The following NCOR1 variants were observed in gnomAD, a reference collection of about 807,000 sequenced individuals.
NCOR1 encodes nuclear receptor corepressor 1.
Under a neutral mutation model 288.1 loss-of-function variants are expected in NCOR1, and 63 were observed. That is an observed-to-expected ratio of 0.22 (90% confidence interval 0.18 to 0.27). The LOEUF (loss-of-function observed/expected upper bound fraction) is 0.27, where lower values mean the gene tolerates loss of function less well. NCOR1 is among the 10% of genes least tolerant of loss of function. NCOR1 has a pLI of 1.00. For synonymous variants in NCOR1, 1,007 were observed against 1,065.9 expected (o/e 0.94, Z 1.08); for missense variants, 2,397 against 3,019.2 (o/e 0.79, Z 4.83).
At chr17:16,186,060 C>A (rs1315513051) in intron 3 of NCOR1, among the ~76,000 whole-genome samples, 1 of 152,178 alleles carries the variant, frequency 6.6e-6, no homozygotes, top group Non-Finnish European at 1.5e-5. Flanking sequence ...CCTACATTAT[C>A]TGACAGAATA....
chr17:16,085,735 G>A lies in NCOR1; in HGVS notation c.3177+547C>T, dbSNP rs928747511. 2.6e-5 allele frequency among the ~76,000 whole-genome samples: 4 copies of A among 152,320 alleles called. 1 individual carries two copies. The highest frequency in any genetic ancestry group is 4.4e-5 in the Non-Finnish European group (3 of 68,028). On this transcript the variant is annotated intron_variant, in intron 23 of 45. Coordinates refer to ENST00000268712, the MANE Select transcript of NCOR1 (RefSeq NM_006311.4). ...GGGGAGATGGCCTGGGAAGGAACATGAGAAAACTTTCTGAAGTGATGGAAG... is the reference window on the plus strand; with the variant it reads ...GGGGAGATGGCCTGGGAAGGAACATAAGAAAACTTTCTGAAGTGATGGAAG...
intron 29 of NCOR1, among the ~76,000 whole-genome samples, 193 bp downstream of exon 29, chr17:16,071,952 T>C (rs1163148169): frequency 6.6e-6 from 1 of 152,216 alleles, no homozygotes; most frequent in African/African-American, 2.4e-5. Context: ...AAGATATCTC[T>C]ATATTAAAAG....
rs988782423 is a variant in NCOR1, at chr17:16,146,438, T to C, written c.1020A>G (p.Glu340=). The change falls in exon 10 of 46, where the codon GAA becomes GAG. Residue 340 remains glutamate (E), a synonymous_variant. Transcript: ENST00000268712. ...RRKAKESKTR[E]YYEKQFPEIR... ...TTTCTGGAAACTGCTTTTCATAGTA[T>C]TCCCTTGTTTTGCTTTCTTTAGCTT... 6.2e-7 allele frequency: 1 copy of C among 1,613,220 alleles called. No individual in the cohort carries two copies. Among genetic ancestry groups the C allele is most frequent in the African/African-American group, 1.3e-5 (1 of 74,926 alleles).
chr17:16,149,266 A>G (rs942468883), intron 9 of NCOR1, among the ~76,000 whole-genome samples, 185 bp downstream of exon 9: 22 of 148,126 alleles, frequency 1.5e-4, no homozygotes, highest in Non-Finnish European at 2.7e-4. Context: ...TATGGTATCA[A>G]AATGTTACTA....
chr17:16,115,501 T>C (rs1038981948), intron 18 of NCOR1, among the ~76,000 whole-genome samples: 1 of 152,218 alleles, frequency 6.6e-6, no homozygotes, highest in Admixed American at 6.5e-5. Context: ...TAAAACTGAA[T>C]GCCTTTAACA....
intron 21 of NCOR1, among the ~76,000 whole-genome samples, chr17:16,096,576 A>G (rs2152959706): frequency 6.6e-6 from 1 of 152,340 alleles, no homozygotes; most frequent in South Asian, 2.1e-4. Flanking sequence ...TTACAAACAA[A>G]AACAGGACTT....
chr17:16,169,925 T>C lies in NCOR1; in HGVS notation c.435+1878A>G, dbSNP rs572456553. On this transcript the variant is annotated intron_variant, in intron 4 of 45. Coordinates refer to ENST00000268712, the MANE Select transcript of NCOR1 (RefSeq NM_006311.4). ...GATAAAGATGATTCACATGATAAGG[T>C]GGGTCACAAAACACCTAGAAGCTTA... Among the ~76,000 whole-genome samples the C allele has an allele frequency of 3.3e-5, 5 of 152,206 alleles. No homozygotes were observed. In the East Asian group the frequency reaches 9.6e-4, roughly 29 times the overall value.
Position 16,118,117 on chromosome 17 carries a change from C to G in NCOR1, c.1916-90G>C. ...AATAAATTAACTTAATCACTGTATT[C>G]ACAACCATTGACACTAGAAGTGTGC... On this transcript the variant is annotated intron_variant, in intron 17 of 45. Coordinates refer to ENST00000268712, the MANE Select transcript of NCOR1 (RefSeq NM_006311.4). The G allele has an allele frequency of 5.2e-6, 7 of 1,335,806 alleles. No homozygotes were observed. The South Asian group carries it at 8.5e-5, about 16-fold the overall frequency. 82.7% of individuals were successfully genotyped at this position (1,335,806 alleles called of 1,614,324 possible).
At chr17:16,121,010 GA>G in intron 16 of NCOR1, 41 bp downstream of exon 16, 1 of 1,558,950 alleles carries the variant, frequency 6.4e-7, no homozygotes, top group South Asian at 1.1e-5. Context: ...ACAGAATCCC[GA>G]ACAAAATTAT....
rs1171960694 is a variant in NCOR1, at chr17:16,061,739, C to G, written c.5543G>C (p.Arg1848Thr). The part of the protein sequence containing the change: ...KTKESKHEAA[R>T]LEENLRSRSA... ...CCTGCTTCTCAAATTTTCTTCTAAC[C>G]TGGCAGCTTCATGCTTACTCTCTTT... is the stretch of plus-strand genomic sequence containing the variant. The change falls in exon 37 of 46, where the codon AGG becomes ACG. Residue 1848 changes from arginine to threonine, a missense_variant. By Grantham distance (71) the Arg-to-Thr change is moderately conservative (BLOSUM62 -1). Coordinates refer to ENST00000268712, the MANE Select transcript of NCOR1 (RefSeq NM_006311.4). 1 of 1,614,238 alleles carries G rather than the reference C, an allele frequency of 6.2e-7. No homozygotes were observed. The highest frequency in any genetic ancestry group is 8.5e-7 in the Non-Finnish European group (1 of 1,180,044).
chr17:16,206,593 C>T (rs537823710), intron 1 of NCOR1, among the ~76,000 whole-genome samples: 2 of 152,224 alleles, frequency 1.3e-5, no homozygotes, highest in South Asian at 2.1e-4. Context: ...ACCATGTTGG[C>T]CAGGCTGGTC....
chr17:16,210,728 A>C (rs1214915761), intron 1 of NCOR1, among the ~76,000 whole-genome samples: 1 of 150,686 alleles, frequency 6.6e-6, no homozygotes, highest in Non-Finnish European at 1.5e-5. Context: ...TATTCACTCC[A>C]ATTTTTTTTT....
chr17:16,179,741 C>T (rs893912563), intron 3 of NCOR1, among the ~76,000 whole-genome samples: 1 of 152,072 alleles, frequency 6.6e-6, no homozygotes, highest in African/African-American at 2.4e-5. Context: ...AAAGGCCGGG[C>T]GTGGTGGCTC....
At chr17:16,047,444 T>C (rs2058800805) in intron 41 of NCOR1, among the ~76,000 whole-genome samples, 1 of 152,220 alleles carries the variant, frequency 6.6e-6, no homozygotes, top group Non-Finnish European at 1.5e-5. Flanking sequence ...GATATATTAA[T>C]GGTTACCACC....
At chr17:16,077,590 G>GAGA (rs140410562) in intron 26 of NCOR1, among the ~76,000 whole-genome samples, 20,667 of 48,852 alleles carry the variant, frequency 0.42, 6,041 homozygotes, top group Middle Eastern at 0.64. Flanking sequence ...AGGGGGAGGG[G>GAGA]AGAAGGGAGG....
intron 30 of NCOR1, among the ~76,000 whole-genome samples, chr17:16,070,954 A>G (rs1196952056): frequency 2.0e-5 from 3 of 152,054 alleles, no homozygotes; most frequent in Non-Finnish European, 2.9e-5. Flanking sequence ...GCTTGAACCC[A>G]GGAGGCGGAC....
chr17:16,209,747 T>A (rs373424356), intron 1 of NCOR1, among the ~76,000 whole-genome samples: 7 of 149,616 alleles, frequency 4.7e-5, no homozygotes, highest in Non-Finnish European at 7.4e-5. Context: ...AGGTCAGGAG[T>A]TCAAGATCAG....
In NCOR1 at chr17:16,086,350, T is replaced by A. The variant is rs770500723; in HGVS notation, c.3109A>T (p.Ile1037Phe). ...GCCACTGTGGTTTTGGATGACGGGATGAGAGGGGGCGGTGGCCTGGTTGGT... is the reference window on the plus strand; with the variant it reads ...GCCACTGTGGTTTTGGATGACGGGAAGAGAGGGGGCGGTGGCCTGGTTGGT... ...TRPTRPPPPL[I>F]PSSKTTVASE... Residue 1037 changes from isoleucine (I) to phenylalanine (F), a missense_variant, in exon 23 of 46, where the codon ATC becomes TTC. Ile to Phe is a conservative substitution (Grantham distance 21, BLOSUM62 0). Transcript: ENST00000268712. 2 of 1,613,900 alleles carry A rather than the reference T, an allele frequency of 1.2e-6. No individual in the cohort carries two copies. Among genetic ancestry groups the A allele is most frequent in the African/African-American group, 2.7e-5 (2 of 74,906 alleles).
At chr17:16,071,374 T>C in intron 30 of NCOR1, 35 bp downstream of exon 30, 1 of 1,592,320 alleles carries the variant, frequency 6.3e-7, no homozygotes, top group Non-Finnish European at 8.5e-7. Context: ...TCCATAAATA[T>C]CAGTTACTGA....
Sources: gnomAD v4.1 joint callset for allele counts (sites outside exome capture counted in the v4.1 genomes callset) on GRCh38, gnomAD v4.1.1 for gene constraint, MANE v1.5 for transcripts, NCBI Gene and HGNC (gene_info 2026-07-23, HGNC 2026-07-21) for gene names.